Variants in NEK7 observed in about 807,000 individuals in gnomAD.
NEK7 encodes serine/threonine-protein kinase Nek7.
A neutral mutation model predicts 44.6 loss-of-function variants in NEK7; 18 were observed. The observed-to-expected ratio is 0.40, with a 90% CI of 0.28 to 0.60. NEK7 has a LOEUF of 0.60. Ranked by LOEUF, NEK7 falls within the 20% of genes least tolerant of loss-of-function variation. NEK7 has a pLI of 0.38. For synonymous variants in NEK7, 130 were observed against 121.1 expected (o/e 1.07, Z -0.48); for missense variants, 256 against 366.5 (o/e 0.70, Z 2.46).
chr1:198,253,394 A>G (rs1186934637), intron 3 of NEK7, among the ~76,000 whole-genome samples: 1 of 152,136 alleles, frequency 6.6e-6, no homozygotes, highest in Non-Finnish European at 1.5e-5. Flanking sequence ...TTTAGCTCGT[A>G]TTGAACCTCA....
chr1:198,224,684 G>A (rs954393699), intron 1 of NEK7, among the ~76,000 whole-genome samples: 2 of 151,698 alleles, frequency 1.3e-5, no homozygotes, highest in Admixed American at 1.3e-4. Flanking sequence ...TATGTTATTG[G>A]TAAATAAATT....
intron 2 of NEK7, among the ~76,000 whole-genome samples, chr1:198,233,692 T>C (rs1182387975): frequency 6.6e-6 from 1 of 151,896 alleles, no homozygotes; most frequent in African/African-American, 2.4e-5. Context: ...TGAATGAATT[T>C]CAAAGAGTGG....
intron 2 of NEK7, among the ~76,000 whole-genome samples, chr1:198,233,084 A>T (rs1225283060): frequency 6.8e-6 from 1 of 146,262 alleles, no homozygotes; most frequent in African/African-American, 2.5e-5. Context: ...GGTTTAGGGA[A>T]GGAAGAGGAA....
Position 198,264,188 on chromosome 1 carries a change from A to G in NEK7, c.325A>G (p.Ile109Val). The change falls in exon 5 of 10, where the codon ATA becomes GTA. Residue 109 changes from isoleucine to valine, a missense_variant. Ile to Val is a conservative substitution (Grantham distance 29). Coordinates refer to ENST00000367385, the MANE Select transcript of NEK7 (RefSeq NM_133494.3). ...ASFIEDNELN[I>V]VLELADAGDL... ...ATTCATTGAAGATAATGAACTAAAC[A>G]TAGTTTTGGAACTAGCAGATGCTGG... 13 of 1,607,470 alleles carry G rather than the reference A, an allele frequency of 8.1e-6. No homozygotes were observed. The highest frequency in any genetic ancestry group is 1.1e-5 in the Non-Finnish European group (13 of 1,176,760).
At chr1:198,313,053 A>G (rs1045008487) in intron 9 of NEK7, among the ~76,000 whole-genome samples, 9 of 151,804 alleles carry the variant, frequency 5.9e-5, no homozygotes, top group African/African-American at 2.2e-4. Flanking sequence ...AAAGTCTCCC[A>G]TTATTAATGT....
At chr1:198,234,694 T>C (rs1453501100) in intron 2 of NEK7, among the ~76,000 whole-genome samples, 1 of 152,228 alleles carries the variant, frequency 6.6e-6, no homozygotes, top group Non-Finnish European at 1.5e-5. Flanking sequence ...ATAGCAGCGA[T>C]TCTGCATTTC....
At chr1:198,221,465 T>A (rs568389680) in intron 1 of NEK7, among the ~76,000 whole-genome samples, 1 of 151,774 alleles carries the variant, frequency 6.6e-6, no homozygotes, top group Non-Finnish European at 1.5e-5. Context: ...ATAAAGTTTT[T>A]TTGACAAAAA....
chr1:198,319,226 A>G (rs756802060), intron 9 of NEK7, among the ~76,000 whole-genome samples, 186 bp from the exon 10 acceptor site: 19 of 152,208 alleles, frequency 1.2e-4, no homozygotes, highest in African/African-American at 2.7e-4. Flanking sequence ...AATGCACTTC[A>G]TAGAACATTT....
intron 5 of NEK7, among the ~76,000 whole-genome samples, chr1:198,273,011 T>C (rs141692985): frequency 3.9e-5 from 6 of 151,900 alleles, no homozygotes; most frequent in African/African-American, 1.4e-4. Context: ...AGATGAAATA[T>C]ATTTTTGGCT....
chr1:198,252,527 A>AAT (rs1558079042), intron 2 of NEK7, among the ~76,000 whole-genome samples: 1 of 12,622 alleles, frequency 7.9e-5, no homozygotes, highest in African/African-American at 2.7e-4. Context: ...TATCTCACAT[A>AAT]CTATATATAT....
chr1:198,289,080 T>C (rs1244282805), intron 7 of NEK7, among the ~76,000 whole-genome samples: 2 of 152,084 alleles, frequency 1.3e-5, no homozygotes, highest in Non-Finnish European at 2.9e-5. Context: ...ATTTCTGGGC[T>C]GACTCATGAG....
chr1:198,166,773 A>G (rs1223538806), intron 1 of NEK7, among the ~76,000 whole-genome samples: 1 of 152,226 alleles, frequency 6.6e-6, no homozygotes, highest in Non-Finnish European at 1.5e-5. Flanking sequence ...AAAAGATATA[A>G]TAATAGTGAC....
At chr1:198,198,861 T>C (rs959531537) in intron 1 of NEK7, among the ~76,000 whole-genome samples, 1 of 152,372 alleles carries the variant, frequency 6.6e-6, no homozygotes, top group Non-Finnish European at 1.5e-5. Context: ...CCTGTCAGCC[T>C]TTCAGATGCC....
chr1:198,229,680 G>T (rs761365708), intron 1 of NEK7, among the ~76,000 whole-genome samples: 2 of 152,150 alleles, frequency 1.3e-5, no homozygotes, highest in African/African-American at 2.4e-5. Flanking sequence ...TGTGATTGTT[G>T]TATGAAAGCA....
intron 1 of NEK7, among the ~76,000 whole-genome samples, chr1:198,159,590 A>G (rs1214368097): frequency 6.6e-6 from 1 of 152,232 alleles, no homozygotes; most frequent in Non-Finnish European, 1.5e-5. Context: ...CAATTTAACA[A>G]GACTAACTTT....
At chr1:198,190,233 C>T in intron 1 of NEK7, among the ~76,000 whole-genome samples, 1 of 151,994 alleles carries the variant, frequency 6.6e-6, no homozygotes, top group Admixed American at 6.6e-5. Flanking sequence ...TTAAAGCATT[C>T]ATCTGGGAAC....
At chr1:198,237,090 G>A (rs1334071461) in intron 2 of NEK7, among the ~76,000 whole-genome samples, 2 of 152,072 alleles carry the variant, frequency 1.3e-5, no homozygotes, top group African/African-American at 2.4e-5. Flanking sequence ...AGTTGATTAT[G>A]CTGTCTTCTT....
intron 2 of NEK7, among the ~76,000 whole-genome samples, chr1:198,233,844 A>T (rs1300588605): frequency 6.8e-6 from 1 of 146,526 alleles, no homozygotes; most frequent in Non-Finnish European, 1.5e-5. Context: ...TGCTTGTATG[A>T]CTTTGCTGAT....
chr1:198,181,429 GATT>G (rs775829383), intron 1 of NEK7, among the ~76,000 whole-genome samples: 4 of 152,048 alleles, frequency 2.6e-5, no homozygotes, highest in Non-Finnish European at 5.9e-5. Flanking sequence ...AGCATGACTT[GATT>G]ATTTATTTCA....
Sources: allele counts gnomAD v4.1 joint callset (sites outside exome capture counted in the v4.1 genomes callset), GRCh38; gene constraint gnomAD v4.1.1; transcripts MANE v1.5; gene names NCBI Gene and HGNC (gene_info 2026-07-23, HGNC 2026-07-21).